The following PTPN14 variants were observed in gnomAD, a reference collection of about 807,000 sequenced individuals.
PTPN14 encodes tyrosine-protein phosphatase non-receptor type 14.
A neutral mutation model predicts 126.8 loss-of-function variants in PTPN14; 53 were observed. The ratio of observed to expected loss-of-function variants is 0.42; its 90% CI spans 0.34 to 0.53. The LOEUF (loss-of-function observed/expected upper bound fraction) is 0.53, where lower values mean the gene tolerates loss of function less well. Ranked by LOEUF, PTPN14 falls within the 20% of genes least tolerant of loss-of-function variation. The pLI, the probability that PTPN14 is intolerant of heterozygous loss-of-function variation, is 0.08. For missense variants in PTPN14, 1,257 were observed against 1,552.9 expected (o/e 0.81, Z 3.20); for synonymous variants, 630 against 599.3 (o/e 1.05, Z -0.75).
chr1:214,350,092 A>C lies in PTPN14; in HGVS notation c.*7830T>G, dbSNP rs1377821398. ...AGATGAGATAGCATTTGTGTTTCCC[A>C]GGAGGAGAAGGTTGGGGAAGAAAAT... On this transcript the variant is annotated 3_prime_UTR_variant, in exon 19 of 19. Transcript: ENST00000366956. The C allele has an allele frequency of 6.6e-6, 1 of 152,220 alleles. No homozygotes were observed. Among genetic ancestry groups the C allele is most frequent in the African/African-American group, 2.4e-5 (1 of 41,458 alleles). 9.4% of individuals were successfully genotyped at this position (152,220 alleles called of 1,614,324 possible). A position where few individuals can be genotyped will look rare whatever the true frequency, so the allele number is the denominator to read the frequency against.
At chr1:214,463,704 G>C (rs1660563873) in intron 2 of PTPN14, among the ~76,000 whole-genome samples, 1 of 152,130 alleles carries the variant, frequency 6.6e-6, no homozygotes. Context: ...TCGAGGTCCT[G>C]GGCAATGCTG....
At chr1:214,517,566 G>A (rs1249972814) in intron 1 of PTPN14, among the ~76,000 whole-genome samples, 2 of 151,406 alleles carry the variant, frequency 1.3e-5, no homozygotes, top group East Asian at 1.9e-4. Context: ...ATGAAAATAT[G>A]CAGGAACACA....
intron 2 of PTPN14, among the ~76,000 whole-genome samples, chr1:214,458,315 G>C (rs1660430241): frequency 6.6e-6 from 1 of 152,010 alleles, no homozygotes; most frequent in Non-Finnish European, 1.5e-5. Context: ...CCCAGTGTTA[G>C]GACTATAGTT....
Position 214,393,756 on chromosome 1 carries a change from A to G in PTPN14, c.868T>C (p.Tyr290His). 1 of 1,601,262 alleles carries G rather than the reference A, an allele frequency of 6.2e-7. No individual in the cohort carries two copies. Reference sequence around the variant, plus strand: ...CGTGTGGCAAACAACCGAGAAATATACTTGGCATTTTCGATATCATCCTTG... The same window carrying G: ...CGTGTGGCAAACAACCGAGAAATATGCTTGGCATTTTCGATATCATCCTTG... ...FHTDDIENAK[Y>H]ISRLFATRHK... Residue 290 changes from tyrosine to histidine, a missense_variant, in exon 10 of 19, where the codon TAT becomes CAT. Tyr to His is a moderately conservative substitution (Grantham distance 83). This residue lies in a region of PTPN14 where 1,021 missense variants were observed against 1,183.3 expected (regional missense o/e 0.86). Coordinates refer to ENST00000366956, the MANE Select transcript of PTPN14 (RefSeq NM_005401.5).
At chr1:214,503,262 A>G (rs949029531) in intron 1 of PTPN14, among the ~76,000 whole-genome samples, 1 of 152,234 alleles carries the variant, frequency 6.6e-6, no homozygotes, top group African/African-American at 2.4e-5. Context: ...CAAAACTAAT[A>G]TCTAATGACA....
At chr1:214,506,482 A>C (rs1654846688) in intron 1 of PTPN14, among the ~76,000 whole-genome samples, 1 of 151,018 alleles carries the variant, frequency 6.6e-6, no homozygotes, top group Admixed American at 6.6e-5. Context: ...GTGCCACTGC[A>C]CTCCAACCTG....
At chr1:214,516,366 A>G (rs1434370912) in intron 1 of PTPN14, among the ~76,000 whole-genome samples, 8 of 152,226 alleles carry the variant, frequency 5.3e-5, no homozygotes, top group Non-Finnish European at 1.0e-4. Flanking sequence ...ACAGCCCTTC[A>G]GAGTATCCTT....
intron 11 of PTPN14, 78 bp from the exon 12 acceptor site, chr1:214,387,000 C>G (rs1350173342): frequency 1.5e-6 from 2 of 1,326,774 alleles, no homozygotes; most frequent in Non-Finnish European, 2.1e-6. Context: ...CCCAGGCACA[C>G]GGCAGTCCCG....
At chr1:214,368,479 G>A (rs1438913974) in intron 17 of PTPN14, among the ~76,000 whole-genome samples, 2 of 152,082 alleles carry the variant, frequency 1.3e-5, no homozygotes, top group Non-Finnish European at 2.9e-5. Flanking sequence ...GGGATTATAG[G>A]TGTGAGCCAC....
At chr1:214,423,475 C>A (rs1659590278) in intron 3 of PTPN14, among the ~76,000 whole-genome samples, 1 of 152,190 alleles carries the variant, frequency 6.6e-6, no homozygotes, top group South Asian at 2.1e-4. Context: ...GTCACTGTAA[C>A]CATGAGCCCA....
chr1:214,524,377 CG>C (rs1188398920), intron 1 of PTPN14, among the ~76,000 whole-genome samples: 1 of 151,390 alleles, frequency 6.6e-6, no homozygotes, highest in African/African-American at 2.4e-5. Flanking sequence ...GAGGGCTGGG[CG>C]TGGTGGCTCA....
chr1:214,504,680 T>G (rs1654789958), intron 1 of PTPN14, among the ~76,000 whole-genome samples: 1 of 152,072 alleles, frequency 6.6e-6, no homozygotes. Flanking sequence ...TGCTAGGCCC[T>G]GGGGAAATGA....
rs149807321 is a variant in PTPN14 at position 214,369,253 on chromosome 1, G to A, written c.3271+204C>T. On this transcript the variant is annotated intron_variant, in intron 17 of 18. Coordinates refer to ENST00000366956, the MANE Select transcript of PTPN14 (RefSeq NM_005401.5). ...TATGTTGATCACAGTCTTAGCTTAC[G>A]TGCATGAAAGGTAAACAGAATAAGT... 2.0e-3 allele frequency among the ~76,000 whole-genome samples: 306 copies of A among 152,274 alleles called. 3 individuals carry two copies. The highest frequency in any genetic ancestry group is 0.016 in the East Asian group (81 of 5,182).
chr1:214,417,049 G>A (rs956586793), intron 3 of PTPN14, among the ~76,000 whole-genome samples: 2 of 151,350 alleles, frequency 1.3e-5, no homozygotes, highest in Non-Finnish European at 2.9e-5. Flanking sequence ...TTTCATGCCA[G>A]GAAAGTAAGC....
chr1:214,472,155 C>A (rs1421700299), intron 1 of PTPN14, among the ~76,000 whole-genome samples: 1 of 152,146 alleles, frequency 6.6e-6, no homozygotes, highest in East Asian at 1.9e-4. Context: ...AATATATGTC[C>A]TCACCAAATC....
At chr1:214,385,142 G>A (rs773907604) in intron 12 of PTPN14, among the ~76,000 whole-genome samples, 2 of 152,100 alleles carry the variant, frequency 1.3e-5, no homozygotes, top group African/African-American at 2.4e-5. Context: ...TGCAGGGCTC[G>A]GCAATAGGAC....
At position 214,519,097 on chromosome 1, in the gene PTPN14, C is replaced by T. The variant is rs185025728; in HGVS notation, c.-155+32086G>A. 4.2e-3 allele frequency among the ~76,000 whole-genome samples: 632 copies of T among 152,160 alleles called. 4 individuals carry two copies. The highest frequency in any genetic ancestry group is 0.01 in the Middle Eastern group (3 of 294). On this transcript the variant is annotated intron_variant, in intron 1 of 18. Transcript: ENST00000366956. ...CAGCCTGGCCAACATGGTGAAACCC[C>T]ACCTCCACTAAAAATACAAAAATCA...
intron 3 of PTPN14, among the ~76,000 whole-genome samples, chr1:214,425,558 G>A (rs904754663): frequency 1.3e-4 from 20 of 152,076 alleles, no homozygotes; most frequent in African/African-American, 4.8e-4. Context: ...GCCTTACTAT[G>A]CATTCACATT....
At chr1:214,454,729 T>C (rs1660345736) in intron 2 of PTPN14, among the ~76,000 whole-genome samples, 1 of 152,206 alleles carries the variant, frequency 6.6e-6, no homozygotes, top group African/African-American at 2.4e-5. Context: ...CATAAATTTA[T>C]CACTGCTGTT....
Sources: allele counts gnomAD v4.1 joint callset (sites outside exome capture counted in the v4.1 genomes callset), GRCh38; gene constraint gnomAD v4.1.1; regional missense constraint gnomAD v4.1.1; transcripts MANE v1.5; gene names NCBI Gene and HGNC (gene_info 2026-07-23, HGNC 2026-07-21).